Variants in PCDH15 observed in about 807,000 individuals in gnomAD.
The protein encoded by PCDH15 is protocadherin related 15.
A neutral mutation model predicts 178.5 loss-of-function variants in PCDH15; 129 were observed. The observed-to-expected ratio is 0.72, with a 90% CI of 0.63 to 0.84. PCDH15 has a LOEUF of 0.84. Among genes scored for constraint, PCDH15 ranks in the 40% least tolerant of loss-of-function variants. The pLI, the probability that PCDH15 is intolerant of heterozygous loss-of-function variation, is 0.00. For missense variants in PCDH15, 2,230 were observed against 2,099.9 expected (o/e 1.06, Z -1.21); for synonymous variants, 800 against 732.0 (o/e 1.09, Z -1.50).
intron 21 of PCDH15, among the ~76,000 whole-genome samples, chr10:53,982,737 G>T (rs1436978808): frequency 1.3e-5 from 2 of 150,982 alleles, no homozygotes; most frequent in African/African-American, 2.4e-5. Flanking sequence ...GAGTTAATGG[G>T]TGCAGCACAC....
intron 2 of PCDH15, among the ~76,000 whole-genome samples, chr10:54,608,699 C>T (rs963717542): frequency 6.6e-6 from 1 of 151,926 alleles, no homozygotes; most frequent in Non-Finnish European, 1.5e-5. Flanking sequence ...GATTTATGCT[C>T]TCTTACAATT....
At chr10:53,950,542 C>T (rs12572470) in intron 23 of PCDH15, among the ~76,000 whole-genome samples, 4,832 of 152,168 alleles carry the variant, frequency 0.032, 149 homozygotes, top group East Asian at 0.13. Flanking sequence ...TAATGCATTT[C>T]CCACTCAAAA....
At chr10:55,075,454 C>T (rs541752148) in intron 2 of PCDH15, among the ~76,000 whole-genome samples, 1 of 151,312 alleles carries the variant, frequency 6.6e-6, no homozygotes, top group South Asian at 2.1e-4. Flanking sequence ...CAACCTCTGC[C>T]TCCCGGGTTC....
chr10:55,243,932 A>C (rs1222959104), intron 1 of PCDH15, among the ~76,000 whole-genome samples: 1 of 152,142 alleles, frequency 6.6e-6, no homozygotes, highest in Non-Finnish European at 1.5e-5. Flanking sequence ...CTGTAAAATA[A>C]TGTAAATTCG....
chr10:54,734,470 G>A (rs1032264841), intron 1 of PCDH15, among the ~76,000 whole-genome samples: 2 of 151,722 alleles, frequency 1.3e-5, no homozygotes, highest in African/African-American at 4.8e-5. Flanking sequence ...TGCAAGATAA[G>A]ACAACAACTT....
intron 2 of PCDH15, among the ~76,000 whole-genome samples, chr10:55,412,566 A>G (rs1242824408): frequency 6.6e-6 from 1 of 152,010 alleles, no homozygotes; most frequent in East Asian, 1.9e-4. Context: ...AAAGAAAAGC[A>G]AAGTATTAGG....
intron 2 of PCDH15, among the ~76,000 whole-genome samples, chr10:54,925,346 G>A (rs1274737196): frequency 1.1e-4 from 16 of 152,080 alleles, no homozygotes; most frequent in African/African-American, 3.1e-4. Context: ...GGTTACTGTA[G>A]CCTTGTTGTA....
In PCDH15 at chr10:53,821,976, G is replaced by C. The variant is rs370762593; in HGVS notation, c.4368-1746C>G. On this transcript the variant is annotated intron_variant, in intron 32 of 37. Coordinates refer to ENST00000644397, the MANE Select transcript of PCDH15 (RefSeq NM_001384140.1). ...ATTTGTTACTTCTGAAGGGCACATA[G>C]TTTGAAGTTCTGAAACATTTGTGCG... The C allele has an allele frequency of 8.7e-6, 14 of 1,613,942 alleles. No individual in the cohort carries two copies. In the East Asian group the frequency reaches 3.1e-4, roughly 36 times the overall value.
chr10:55,419,346 A>G (rs1261879342), intron 2 of PCDH15, among the ~76,000 whole-genome samples: 2 of 151,806 alleles, frequency 1.3e-5, no homozygotes, highest in African/African-American at 2.4e-5. Flanking sequence ...GCAGGTGTCC[A>G]TAGATCTTCC....
chr10:54,601,778 G>A (rs1004574871), intron 2 of PCDH15, among the ~76,000 whole-genome samples: 5 of 151,892 alleles, frequency 3.3e-5, no homozygotes, highest in African/African-American at 4.8e-5. Context: ...TATGCACCAC[G>A]GAATTCTATG....
intron 2 of PCDH15, among the ~76,000 whole-genome samples, chr10:55,144,198 G>A (rs533002673): frequency 2.3e-3 from 351 of 151,458 alleles, no homozygotes; most frequent in Non-Finnish European, 3.9e-3. Context: ...CATGACCTAA[G>A]AATGGATATA....
At chr10:55,301,881 C>G (rs1343340841) in intron 1 of PCDH15, among the ~76,000 whole-genome samples, 1 of 152,044 alleles carries the variant, frequency 6.6e-6, no homozygotes, top group African/African-American at 2.4e-5. Context: ...GCACTTTTGT[C>G]AAAAAGCAGT....
chr10:55,605,373 G>C (rs1027655926), intron 2 of PCDH15, among the ~76,000 whole-genome samples: 2 of 151,312 alleles, frequency 1.3e-5, no homozygotes, highest in African/African-American at 4.8e-5. Context: ...AGAAAAAGAG[G>C]GAATCCTCCC....
chr10:53,980,148 G>C (rs776323166), intron 21 of PCDH15, among the ~76,000 whole-genome samples: 16 of 151,722 alleles, frequency 1.1e-4, no homozygotes, highest in Non-Finnish European at 2.2e-4. Flanking sequence ...TAGAACTCTG[G>C]GGCAGGAGGT....
At chr10:54,657,060 C>T (rs1266116588) in intron 2 of PCDH15, among the ~76,000 whole-genome samples, 3 of 152,212 alleles carry the variant, frequency 2.0e-5, no homozygotes, top group Non-Finnish European at 1.5e-5. Flanking sequence ...ATCCCAGCAA[C>T]TGAAGGCAGA....
chr10:53,826,734 T>A (rs1243422794), intron 32 of PCDH15, among the ~76,000 whole-genome samples: 1 of 152,128 alleles, frequency 6.6e-6, no homozygotes. Context: ...TTTTAAATAG[T>A]GACTACAAGT....
chr10:55,431,623 T>C (rs1025675184), intron 2 of PCDH15, among the ~76,000 whole-genome samples: 2 of 152,206 alleles, frequency 1.3e-5, no homozygotes, highest in African/African-American at 4.8e-5. Context: ...ATGTGCATAC[T>C]CCAAGCAAAT....
chr10:54,925,883 G>C (rs1837610156), intron 2 of PCDH15, among the ~76,000 whole-genome samples: 1 of 152,068 alleles, frequency 6.6e-6, no homozygotes, highest in Non-Finnish European at 1.5e-5. Context: ...ATAGGAGCGT[G>C]TCTTCTGCAA....
chr10:55,346,254 T>A (rs918803100), intron 2 of PCDH15, among the ~76,000 whole-genome samples: 3 of 152,140 alleles, frequency 2.0e-5, no homozygotes, highest in African/African-American at 7.2e-5. Context: ...TGAACAAATC[T>A]GTTGGTCTCA....
Sources: allele counts gnomAD v4.1 joint callset (sites outside exome capture counted in the v4.1 genomes callset), GRCh38; gene constraint gnomAD v4.1.1; transcripts MANE v1.5; gene names NCBI Gene and HGNC (gene_info 2026-07-23, HGNC 2026-07-21).